The following CTNND2 variants were observed in gnomAD, a reference collection of about 807,000 sequenced individuals.
CTNND2 encodes catenin delta-2.
A neutral mutation model predicts 144.4 loss-of-function variants in CTNND2; 22 were observed. The ratio of observed to expected loss-of-function variants is 0.15; its 90% CI spans 0.11 to 0.22. The LOEUF is 0.22. Ranked by LOEUF, CTNND2 falls within the 10% of genes least tolerant of loss-of-function variation. The pLI is 1.00. For missense variants in CTNND2, 1,353 were observed against 1,618.8 expected, an observed-to-expected ratio of 0.84 and a Z score of 2.82; for synonymous variants, 751 against 695.6, an observed-to-expected ratio of 1.08 and a Z score of -1.25.
At chr5:11,656,563 C>A (rs1242938804) in intron 2 of CTNND2, among the ~76,000 whole-genome samples, 1 of 152,040 alleles carries the variant, frequency 6.6e-6, no homozygotes, top group African/African-American at 2.4e-5. Flanking sequence ...TGCACTGTTA[C>A]CACCAATGAC....
intron 1 of CTNND2, among the ~76,000 whole-genome samples, chr5:11,742,405 C>T (rs1788069651): frequency 6.6e-6 from 1 of 152,018 alleles, no homozygotes; most frequent in Non-Finnish European, 1.5e-5. Context: ...ACTTCCTGCC[C>T]CCTCACACCA....
chr5:11,724,912 A>ATTTT (rs34852559), intron 2 of CTNND2, among the ~76,000 whole-genome samples: 12 of 149,028 alleles, frequency 8.1e-5, no homozygotes, highest in African/African-American at 2.9e-4. Context: ...GTCAAAAGTG[A>ATTTT]TTTTTTTTTT....
At chr5:11,172,283 A>G (rs1198223707) in intron 11 of CTNND2, among the ~76,000 whole-genome samples, 1 of 152,142 alleles carries the variant, frequency 6.6e-6, no homozygotes, top group African/African-American at 2.4e-5. Context: ...CTTCACCAAC[A>G]TCAGCTTCCT....
intron 18 of CTNND2, among the ~76,000 whole-genome samples, chr5:10,993,030 C>T (rs1190932608): frequency 6.6e-6 from 1 of 152,152 alleles, no homozygotes; most frequent in African/African-American, 2.4e-5. Context: ...GGTTCCAGCT[C>T]TGCCTGGCTC....
Position 11,517,831 on chromosome 5 carries a change from A to G in CTNND2, c.287+47113T>C, listed in dbSNP as rs115761702. 4.2e-3 allele frequency among the ~76,000 whole-genome samples: 645 copies of G among 152,238 alleles called. 5 individuals are homozygous for G. The highest frequency in any genetic ancestry group is 0.015 in the African/African-American group (609 of 41,564). On this transcript the variant is annotated intron_variant, in intron 3 of 21. Transcript: ENST00000304623. ...TAAAATAAATAAATAAAAATAAAATACATAAGAAAAAAGATCTCTCCTTTC... is the reference window on the plus strand; with the variant it reads ...TAAAATAAATAAATAAAAATAAAATGCATAAGAAAAAAGATCTCTCCTTTC...
At chr5:11,589,165 C>T (rs994652509) in intron 2 of CTNND2, 8 of 395,724 alleles carry the variant, frequency 2.0e-5, no homozygotes, top group Non-Finnish European at 2.4e-5. Flanking sequence ...ATTTATGCAA[C>T]ATTTCATCAC....
At chr5:11,292,125 G>C (rs975827942) in intron 9 of CTNND2, among the ~76,000 whole-genome samples, 2 of 152,048 alleles carry the variant, frequency 1.3e-5, no homozygotes, top group Admixed American at 1.3e-4. Flanking sequence ...TATCTGCATT[G>C]CCATGTAATA....
At chr5:11,392,765 C>A (rs373287828) in intron 6 of CTNND2, among the ~76,000 whole-genome samples, 15 of 152,180 alleles carry the variant, frequency 9.9e-5, no homozygotes, top group African/African-American at 2.9e-4. Flanking sequence ...AATATGAATT[C>A]TCTTCTAAAT....
intron 12 of CTNND2, among the ~76,000 whole-genome samples, chr5:11,150,746 A>C (rs1416427102): frequency 1.4e-5 from 2 of 146,372 alleles, no homozygotes; most frequent in Admixed American, 1.4e-4. Flanking sequence ...CCTGCCTCAG[A>C]CTCCTGAGTA....
intron 1 of CTNND2, among the ~76,000 whole-genome samples, chr5:11,817,518 C>G (rs1038966965): frequency 2.0e-5 from 3 of 150,416 alleles, no homozygotes; most frequent in Non-Finnish European, 4.4e-5. Flanking sequence ...CCAACACAAC[C>G]CCATTCCCCA....
chr5:11,117,502 G>A lies in CTNND2; in HGVS notation c.2225C>T (p.Ala742Val). The A allele has an allele frequency of 6.2e-7, 1 of 1,614,090 alleles. No individual in the cohort carries two copies. Among genetic ancestry groups the A allele is most frequent in the Non-Finnish European group, 8.5e-7 (1 of 1,180,008 alleles). ...CGCAGACTGGATCACGTACAGCAAG[G>A]CATCCGTAAGCCCATCACACTCTCT... is the stretch of plus-strand genomic sequence containing the variant. ...RMRECDGLTD[A>V]LLYVIQSALG... Residue 742 changes from alanine to valine, a missense_variant, in exon 13 of 22, where the codon GCC becomes GTC. Around this residue, in one of 4 missense-constraint regions of CTNND2, gnomAD observed 459 missense variants for 674.3 expected, o/e 0.68. Coordinates refer to ENST00000304623, the MANE Select transcript of CTNND2 (RefSeq NM_001332.4).
chr5:11,089,140 C>T (rs1291784379), intron 15 of CTNND2, among the ~76,000 whole-genome samples: 2 of 152,198 alleles, frequency 1.3e-5, no homozygotes, highest in Admixed American at 6.5e-5. Context: ...TGAATTAATT[C>T]GTGGAGGGGA....
At chr5:11,821,939 A>T (rs1793335201) in intron 1 of CTNND2, among the ~76,000 whole-genome samples, 1 of 152,204 alleles carries the variant, frequency 6.6e-6, no homozygotes, top group Non-Finnish European at 1.5e-5. Context: ...TAAACTACAC[A>T]TTCAGTTCAG....
At position 11,636,355 on chromosome 5, in the gene CTNND2, A is replaced by G. The variant is rs190184548; in HGVS notation, c.175-71299T>C. On this transcript the variant is annotated intron_variant, in intron 2 of 21. Transcript: ENST00000304623. ...CTCATTCCAGAATAAAATATCTATT[A>G]AAGTAAGAAGTAAATGCATGAAAGA... Among the ~76,000 whole-genome samples, 15 of 152,348 alleles carry G rather than the reference A, an allele frequency of 9.8e-5. No homozygotes were observed. In the East Asian group the frequency reaches 2.1e-3, roughly 22 times the overall value.
At chr5:11,268,280 C>T (rs562385811) in intron 9 of CTNND2, among the ~76,000 whole-genome samples, 9 of 152,208 alleles carry the variant, frequency 5.9e-5, no homozygotes, top group South Asian at 2.1e-4. Context: ...ACCAAAGATT[C>T]GATTTAAAAA....
At chr5:10,977,939 G>A (rs751276564) in intron 21 of CTNND2, among the ~76,000 whole-genome samples, 5 of 152,186 alleles carry the variant, frequency 3.3e-5, no homozygotes, top group African/African-American at 7.2e-5. Context: ...TGGTGCAGGC[G>A]TCTCTTTCTC....
At chr5:11,202,054 A>G (rs1018654589) in intron 10 of CTNND2, among the ~76,000 whole-genome samples, 1 of 152,180 alleles carries the variant, frequency 6.6e-6, no homozygotes, top group Non-Finnish European at 1.5e-5. Flanking sequence ...AGTTCTCTGA[A>G]TTTAGTTATT....
intron 2 of CTNND2, among the ~76,000 whole-genome samples, chr5:11,712,732 C>T (rs1412705075): frequency 6.6e-6 from 1 of 152,078 alleles, no homozygotes; most frequent in Non-Finnish European, 1.5e-5. Context: ...TAAAATAAAA[C>T]AAAAGAGTCG....
At chr5:11,462,662 A>G (rs1173514466) in intron 3 of CTNND2, among the ~76,000 whole-genome samples, 1 of 152,226 alleles carries the variant, frequency 6.6e-6, no homozygotes, top group Non-Finnish European at 1.5e-5. Context: ...AAATTTAAAA[A>G]TATAAATGGA....
Sources: gnomAD v4.1 joint callset for allele counts (sites outside exome capture counted in the v4.1 genomes callset) on GRCh38, gnomAD v4.1.1 for gene constraint, gnomAD v4.1.1 regional missense constraint, MANE v1.5 for transcripts, NCBI Gene and HGNC (gene_info 2026-07-23, HGNC 2026-07-21) for gene names.